The following WDCP variants were observed in gnomAD, a reference collection of about 807,000 sequenced individuals.
WDCP encodes the protein WD repeat and coiled-coil-containing protein.
WDCP carries 19 observed loss-of-function variants against 41.6 expected under a neutral mutation model. The observed-to-expected ratio is 0.46, with a 90% confidence interval of 0.32 to 0.67. The LOEUF (loss-of-function observed/expected upper bound fraction) is 0.67, where lower values mean the gene tolerates loss of function less well. Among genes scored for constraint, WDCP ranks in the 30% least tolerant of loss-of-function variants. The probability of loss-of-function intolerance (pLI) is 0.04; values close to 1 mark genes in which losing one functional copy is unlikely to be tolerated. For synonymous variants in WDCP, 302 were observed against 320.8 expected (o/e 0.94, Z 0.63); for missense variants, 802 against 850.7 (o/e 0.94, Z 0.71).
At chr2:24,032,987 G>T in intron 2 of WDCP, 41 bp from the exon 3 acceptor site, 1 of 1,247,284 alleles carries the variant, frequency 8.0e-7, no homozygotes, top group Non-Finnish European at 1.2e-6. Flanking sequence ...GATTGCAGAA[G>T]TAATCGAGTT....
intron 1 of WDCP, among the ~76,000 whole-genome samples, chr2:24,044,857 T>C (rs1435286488): frequency 6.6e-6 from 1 of 150,676 alleles, no homozygotes; most frequent in African/African-American, 2.4e-5. Context: ...GCGGTGATCA[T>C]TTTGCTCTTC....
chr2:24,040,154 G>T (rs911586850), intron 1 of WDCP, among the ~76,000 whole-genome samples: 2 of 152,008 alleles, frequency 1.3e-5, no homozygotes, highest in African/African-American at 4.8e-5. Context: ...TGCAGGACAA[G>T]GTCCTTATTA....
intron 1 of WDCP, among the ~76,000 whole-genome samples, chr2:24,040,236 C>CA (rs1286324055): frequency 1.5e-4 from 23 of 151,516 alleles, no homozygotes; most frequent in African/African-American, 2.7e-4. Flanking sequence ...AATGGTTTGA[C>CA]AAAAAAAACC....
Position 24,038,871 on chromosome 2 carries a change from G to A in WDCP, c.624C>T (p.Ser208=). The part of the protein sequence containing the change: ...LVFDVDSHVC[S]ITATVDSQVA... ...CCTGTGAGTCCACAGTTGCTGTGAT[G>A]GAGCAGACGTGGCTGTCCACATCAA... is the stretch of plus-strand genomic sequence containing the variant. Residue 208 remains serine (S), a synonymous_variant, in exon 2 of 4, where the codon TCC becomes TCT. Transcript: ENST00000295148. The A allele has an allele frequency of 6.2e-7, 1 of 1,614,220 alleles. No individual in the cohort carries two copies.
chr2:24,046,524 A>C (rs1037567763), intron 1 of WDCP, among the ~76,000 whole-genome samples: 3 of 152,232 alleles, frequency 2.0e-5, no homozygotes, highest in African/African-American at 7.2e-5. Flanking sequence ...GCCGGTGCTC[A>C]GTATATAACC....
At chr2:24,045,641 G>GGAAGGAAGGAAGGAAA in intron 1 of WDCP, among the ~76,000 whole-genome samples, 1 of 141,602 alleles carries the variant, frequency 7.1e-6, no homozygotes, top group African/African-American at 2.6e-5. Flanking sequence ...GAGGAAGGAA[G>GGAAGGAAGGAAGGAAA]GAAGGAAGGA....
intron 2 of WDCP, chr2:24,033,328 G>T: frequency 3.0e-6 from 1 of 330,262 alleles, no homozygotes; most frequent in South Asian, 2.8e-5. Flanking sequence ...AAAAAATGCC[G>T]AGAGAGTGTC....
In WDCP at chr2:24,039,105, C is replaced by T; in HGVS notation, c.390G>A (p.Val130=). The T allele has an allele frequency of 6.2e-7, 1 of 1,614,216 alleles. No homozygotes were observed. Among genetic ancestry groups the T allele is most frequent in the Non-Finnish European group, 8.5e-7 (1 of 1,180,050 alleles). The change falls in exon 2 of 4, where the codon GTG becomes GTA. Residue 130 remains valine, a synonymous_variant. Transcript: ENST00000295148. ...VWHPKCAILT[V]LTAQDVSIFP... is the part of the protein sequence containing the mutation. The stretch of plus-strand genomic sequence containing the variant: ...AAATGGAGACATCCTGAGCAGTCAA[C>T]ACAGTCAGAATAGCACATTTTGGGT...
intron 2 of WDCP, chr2:24,033,267 C>G: frequency 4.3e-6 from 2 of 468,540 alleles, no homozygotes; most frequent in Non-Finnish European, 8.6e-6. Flanking sequence ...GGTAAGAACA[C>G]CTTCTTGGCT....
chr2:24,042,571 T>C (rs1573666844), intron 1 of WDCP, among the ~76,000 whole-genome samples: 1 of 142,992 alleles, frequency 7.0e-6, no homozygotes, highest in Non-Finnish European at 1.5e-5. Context: ...TAGCTGGCTG[T>C]GGTGGCGCAT....
chr2:24,040,695 T>C (rs911523345), intron 1 of WDCP, among the ~76,000 whole-genome samples: 5 of 152,202 alleles, frequency 3.3e-5, no homozygotes, highest in Non-Finnish European at 5.9e-5. Context: ...TGAATATTTT[T>C]CCCCCAGGCA....
At chr2:24,037,283 A>G (rs541281722) in intron 2 of WDCP, among the ~76,000 whole-genome samples, 1 of 152,370 alleles carries the variant, frequency 6.6e-6, no homozygotes, top group East Asian at 1.9e-4. Flanking sequence ...TCGGCCTCCC[A>G]AAGTGCTAGG....
At position 24,039,109 on chromosome 2, in the gene WDCP, G is replaced by C. The variant is rs1283539364; in HGVS notation, c.386C>G (p.Thr129Ser). ...GGAGACATCCTGAGCAGTCAACACAGTCAGAATAGCACATTTTGGGTGCCA... is the reference window on the plus strand; with the variant it reads ...GGAGACATCCTGAGCAGTCAACACACTCAGAATAGCACATTTTGGGTGCCA... ...CVWHPKCAIL[T>S]VLTAQDVSIF... Residue 129 changes from threonine to serine, a missense_variant, in exon 2 of 4, where the codon ACT becomes AGT. This residue lies in a region of WDCP where 214 missense variants were observed against 252.9 expected (regional missense o/e 0.85). Transcript: ENST00000295148. The C allele has an allele frequency of 1.2e-6, 2 of 1,614,086 alleles. No homozygotes were observed. Among genetic ancestry groups the C allele is most frequent in the Non-Finnish European group, 1.7e-6 (2 of 1,180,046 alleles).
At chr2:24,045,117 T>C (rs1468256685) in intron 1 of WDCP, among the ~76,000 whole-genome samples, 1 of 152,070 alleles carries the variant, frequency 6.6e-6, no homozygotes, top group Admixed American at 6.6e-5. Context: ...AAAGTGAAAA[T>C]GAAGCAAGTT....
intron 1 of WDCP, chr2:24,045,892 C>T (rs1049711068): frequency 2.6e-4 from 39 of 151,894 alleles, no homozygotes. Flanking sequence ...GTAGCATGGC[C>T]CCTGCACAGG....
At chr2:24,036,024 G>A (rs534726745) in intron 2 of WDCP, among the ~76,000 whole-genome samples, 24 of 150,252 alleles carry the variant, frequency 1.6e-4, no homozygotes, top group Admixed American at 2.7e-4. Context: ...AGCTGAGATC[G>A]CGCCACTGCA....
At chr2:24,046,869 C>T (rs1663642827) in intron 1 of WDCP, among the ~76,000 whole-genome samples, 1 of 152,128 alleles carries the variant, frequency 6.6e-6, no homozygotes. Context: ...TTTCATCTAA[C>T]ATTATATATT....
In WDCP at chr2:24,038,390, C is replaced by G; in HGVS notation, c.1105G>C (p.Val369Leu). 1 of 1,614,144 alleles carries G rather than the reference C, an allele frequency of 6.2e-7. No homozygotes were observed. The highest frequency in any genetic ancestry group is 1.3e-5 in the African/African-American group (1 of 75,044). ...NTCNIILIYS[V>L]IPSSVPNIQQ... ...ATGTTTGGGACTGAAGATGGAATGA[C>G]AGAGTAGATCAAAATTATATTACAA... The change falls in exon 2 of 4, where the codon GTC (valine) becomes CTC (leucine). Residue 369 changes from valine (V) to leucine (L), a missense_variant. Transcript: ENST00000295148.
At chr2:24,041,967 A>C (rs1035326939) in intron 1 of WDCP, among the ~76,000 whole-genome samples, 1 of 152,188 alleles carries the variant, frequency 6.6e-6, no homozygotes, top group African/African-American at 2.4e-5. Flanking sequence ...TAAACATAAA[A>C]AATACTATTT....
Sources: allele counts gnomAD v4.1 joint callset (sites outside exome capture counted in the v4.1 genomes callset), GRCh38; gene constraint gnomAD v4.1.1; regional missense constraint gnomAD v4.1.1; transcripts MANE v1.5; gene names NCBI Gene and HGNC (gene_info 2026-07-23, HGNC 2026-07-21).